The following OR56A3 variants were observed in gnomAD, a reference collection of about 807,000 sequenced individuals.
OR56A3 encodes the protein olfactory receptor family 56 subfamily A member 3, also known as olfactory receptor 56A3.
OR56A3 carries 23 observed loss-of-function variants against 17.5 expected under a neutral mutation model. The observed-to-expected ratio is 1.32, with a 90% CI of 0.95 to 1.87. The LOEUF (loss-of-function observed/expected upper bound fraction) is 1.87. Among genes scored for constraint, OR56A3 ranks in the 40% most tolerant of loss-of-function variants. The probability of loss-of-function intolerance (pLI) is 0.00; values close to 1 mark genes in which losing one functional copy is unlikely to be tolerated. For synonymous variants in OR56A3, 175 were observed against 150.6 expected, an observed-to-expected ratio of 1.16 and a Z score of -1.19; for missense variants, 366 against 380.1, an observed-to-expected ratio of 0.96 and a Z score of 0.31.
At chr11:6,000,472 G>C in the OR56A3 span, 1 of 152,186 alleles carries the variant, frequency 6.6e-6, no homozygotes, top group Middle Eastern at 3.2e-3. Context: ...GTGGGTTAGG[G>C]GGAGTGGGGA....
chr11:5,946,790 T>TA (rs901934704), intron 2 of OR56A3, among the ~76,000 whole-genome samples: 3 of 152,200 alleles, frequency 2.0e-5, no homozygotes, highest in Admixed American at 6.5e-5. Flanking sequence ...ATGTATGATT[T>TA]AAAAAATCTC....
chr11:5,946,880 C>T (rs1272856312), intron 2 of OR56A3, among the ~76,000 whole-genome samples: 3 of 152,170 alleles, frequency 2.0e-5, no homozygotes, highest in Admixed American at 6.5e-5. Flanking sequence ...ATCTGAGTCC[C>T]TTCCTTGTGC....
chr11:5,944,760 A>G (rs1847858048), intron 1 of OR56A3, 46 bp from the exon 2 acceptor site: 1 of 152,238 alleles, frequency 6.6e-6, no homozygotes, highest in African/African-American at 2.4e-5. Context: ...TTTAAAATTC[A>G]TTTTGAACTT....
At chr11:6,017,966 G>C in the OR56A3 span, among the ~76,000 whole-genome samples, 1 of 152,032 alleles carries the variant, frequency 6.6e-6, no homozygotes, top group African/African-American at 2.4e-5. Context: ...AGTAAAAAGA[G>C]ACAGAGAAGG....
chr11:5,972,626 G>T, the OR56A3 span, among the ~76,000 whole-genome samples: 1 of 152,228 alleles, frequency 6.6e-6, no homozygotes, highest in Non-Finnish European at 1.5e-5. Context: ...GCAGTAGTTT[G>T]GGATACTGGG....
At chr11:6,003,159 A>G in the OR56A3 span, 1 of 1,528,470 alleles carries the variant, frequency 6.5e-7, no homozygotes, top group Non-Finnish European at 8.8e-7. Context: ...CCTCCCTTAT[A>G]TTTAACCAAG....
chr11:6,004,768 T>G, the OR56A3 span, among the ~76,000 whole-genome samples: 1 of 152,202 alleles, frequency 6.6e-6, no homozygotes, highest in South Asian at 2.1e-4. Context: ...CTGTAAAGCC[T>G]TCTCCTTTCC....
the OR56A3 span, among the ~76,000 whole-genome samples, chr11:5,976,678 T>G: frequency 6.6e-6 from 1 of 152,192 alleles, no homozygotes; most frequent in Non-Finnish European, 1.5e-5. Flanking sequence ...TTCTCTATTG[T>G]TTCTGTTTTC....
At chr11:5,954,027 G>A (rs1847921233), downstream of OR56A3, among the ~76,000 whole-genome samples, 1 of 151,964 alleles carries the variant, frequency 6.6e-6, no homozygotes, top group Admixed American at 6.6e-5. Flanking sequence ...TGAGAAAAGG[G>A]GCATCAGGAC....
the OR56A3 span, chr11:5,986,224 T>C: frequency 6.2e-7 from 1 of 1,613,710 alleles, no homozygotes; most frequent in Middle Eastern, 1.7e-4. Context: ...GATGTGGGCA[T>C]AGGAAACACC....
chr11:5,995,653 TTTAAAGTATA>T, the OR56A3 span, among the ~76,000 whole-genome samples: 2 of 152,224 alleles, frequency 1.3e-5, no homozygotes, highest in African/African-American at 2.4e-5. Flanking sequence ...TACAACATGT[TTTAAAGTATA>T]TATACAATGT....
chr11:6,004,663 A>T, the OR56A3 span, among the ~76,000 whole-genome samples: 1 of 152,220 alleles, frequency 6.6e-6, no homozygotes, highest in Non-Finnish European at 1.5e-5. Context: ...AATAGGCACA[A>T]TTATGCATCA....
the OR56A3 span, among the ~76,000 whole-genome samples, chr11:6,016,178 C>G: frequency 2.0e-5 from 3 of 152,076 alleles, no homozygotes; most frequent in Admixed American, 1.3e-4. Context: ...TGTGTAGCAA[C>G]TCCCCACTCT....
the OR56A3 span, among the ~76,000 whole-genome samples, chr11:6,014,373 G>A: frequency 0.024 from 3,715 of 152,270 alleles, 150 homozygotes; most frequent in African/African-American, 0.08. Flanking sequence ...CATCCTCCGG[G>A]TGCTGCTCTC....
chr11:5,947,368 A>C lies in OR56A3; in HGVS notation c.22A>C (p.Thr8Pro). 1 of 1,601,732 alleles carries C rather than the reference A, an allele frequency of 6.2e-7. No homozygotes were observed. The highest frequency in any genetic ancestry group is 8.5e-7 in the Non-Finnish European group (1 of 1,172,324). The change falls in exon 3 of 3, where the codon ACC becomes CCC. Residue 8 changes from threonine to proline, a missense_variant. Physicochemically the swap from Thr to Pro is conservative, Grantham distance 38. Coordinates refer to ENST00000641160, the MANE Select transcript of OR56A3 (RefSeq NM_001003443.3). ...AAATATGACAACACACCGAAATGAC[A>C]CCCTCTCCACTGAAGCTTCAGACTT... MTTHRND[T>P]LSTEASDFLL...
the OR56A3 span, chr11:5,995,008 G>C: frequency 0.013 from 8,357 of 668,308 alleles, 446 homozygotes; most frequent in African/African-American, 0.12. Context: ...GAAGCTGGTG[G>C]ACCAGAACAT....
chr11:5,944,049 A>G (rs1847854620), intron 1 of OR56A3, among the ~76,000 whole-genome samples: 1 of 152,226 alleles, frequency 6.6e-6, no homozygotes, highest in Non-Finnish European at 1.5e-5. Flanking sequence ...GTGAATGAAC[A>G]TAGTGCCCAG....
intron 1 of OR56A3, among the ~76,000 whole-genome samples, chr11:5,944,598 C>T (rs1045551281): frequency 1.3e-5 from 2 of 152,174 alleles, no homozygotes; most frequent in Non-Finnish European, 2.9e-5. Flanking sequence ...ATTATTTAGA[C>T]CTTTATTTTC....
At chr11:6,003,365 C>A in the OR56A3 span, among the ~76,000 whole-genome samples, 1 of 152,154 alleles carries the variant, frequency 6.6e-6, no homozygotes, top group Non-Finnish European at 1.5e-5. Context: ...TATTGTTGTG[C>A]GTTTATATGA....
Sources: allele counts gnomAD v4.1 joint callset (sites outside exome capture counted in the v4.1 genomes callset), GRCh38; gene constraint gnomAD v4.1.1; transcripts MANE v1.5; gene names NCBI Gene and HGNC (gene_info 2026-07-23, HGNC 2026-07-21).